Variants in NLGN4X observed in about 807,000 individuals in gnomAD.
NLGN4X encodes the protein neuroligin 4 X-linked, also known as neuroligin-4, X-linked.
Under a neutral mutation model 40.3 loss-of-function variants are expected in NLGN4X, and 3 were observed. That is an observed-to-expected ratio of 0.07 (90% CI 0.03 to 0.19). The LOEUF (loss-of-function observed/expected upper bound fraction) is 0.19, where lower values mean the gene tolerates loss of function less well. NLGN4X is among the 10% of genes least tolerant of loss of function. The probability of loss-of-function intolerance (pLI) is 1.00; values close to 1 mark genes in which losing one functional copy is unlikely to be tolerated. For synonymous variants in NLGN4X, 270 were observed against 306.8 expected (o/e 0.88, Z 1.25); for missense variants, 382 against 708.3 (o/e 0.54, Z 5.23).
intron 2 of NLGN4X, among the ~76,000 whole-genome samples, chrX:6,047,163 A>G (rs937559494): frequency 4.5e-5 from 5 of 111,312 alleles, no homozygotes; most frequent in Non-Finnish European, 9.4e-5. Context: ...AAAGTAAGTG[A>G]CATCGTGACA....
chrX:6,030,394 A>ATGTGTGTGTGTGTGTG lies in NLGN4X; in HGVS notation c.473-978_473-963dup, dbSNP rs35006258. On this transcript the variant is annotated intron_variant, in intron 2 of 5. Transcript: ENST00000381095. ...CGTATAAATATTTCTGGATACAGAT[A>ATGTGTGTGTGTGTGTG]TGTGTGTGTGTGTGTGTGTGTGTGT... Among the ~76,000 whole-genome samples the ATGTGTGTGTGTGTGTG allele has an allele frequency of 3.8e-3, 383 of 100,125 alleles. 4 individuals carry two copies. The highest frequency in any genetic ancestry group is 0.014 in the African/African-American group (363 of 26,788). 86.9% of individuals were successfully genotyped at this position (100,125 alleles called of 115,157 possible). A position where few individuals can be genotyped will look rare whatever the true frequency, so the allele number is the denominator to read the frequency against.
At chrX:6,161,626 T>G (rs986786104) in intron 1 of NLGN4X, among the ~76,000 whole-genome samples, 1 of 107,640 alleles carries the variant, frequency 9.3e-6, no homozygotes, top group Non-Finnish European at 1.9e-5. Context: ...AGAAATAATA[T>G]AATAGATAAA....
chrX:5,898,020 CCCTT>C (rs755817127), intron 5 of NLGN4X, among the ~76,000 whole-genome samples: 66 of 100,020 alleles, frequency 6.6e-4, no homozygotes, highest in Admixed American at 8.7e-4. Context: ...CTTCCTCCCT[CCCTT>C]CCTTCTTTCT....
At chrX:6,116,332 G>A (rs1460615823) in intron 2 of NLGN4X, among the ~76,000 whole-genome samples, 1 of 91,025 alleles carries the variant, frequency 1.1e-5, no homozygotes, top group Non-Finnish European at 2.1e-5. Context: ...GTGAAAGAGC[G>A]GAAACTTTGA....
At chrX:6,011,366 A>AAT (rs10584166) in intron 3 of NLGN4X, among the ~76,000 whole-genome samples, 2,165 of 101,381 alleles carry the variant, frequency 0.021, 30 homozygotes, top group Middle Eastern at 0.025. Flanking sequence ...CAAATTCAGA[A>AAT]ATATATATAT....
rs765825856 is a variant in NLGN4X at position 6,151,445 on chromosome X, G to C, written c.22C>G (p.Leu8Val). The C allele has an allele frequency of 1.7e-6, 2 of 1,210,382 alleles. No homozygotes were observed. The highest frequency in any genetic ancestry group is 2.2e-6 in the Non-Finnish European group (2 of 894,432). MSRPQGL[L>V]WLPLLFTPVC... The stretch of plus-strand genomic sequence containing the variant: ...GGGGTGAACAACAAAGGAAGCCATA[G>C]CAGTCCCTGGGGCCGTGACATGGTT... The change falls in exon 2 of 6, where the codon CTA (leucine) becomes GTA (valine). Residue 8 changes from leucine (L) to valine (V), a missense_variant. By Grantham distance (32) the Leu-to-Val change is conservative. Coordinates refer to ENST00000381095, the MANE Select transcript of NLGN4X (RefSeq NM_181332.3).
At chrX:6,050,951 T>A (rs192317138) in intron 2 of NLGN4X, among the ~76,000 whole-genome samples, 11 of 111,830 alleles carry the variant, frequency 9.8e-5, no homozygotes, top group Middle Eastern at 4.6e-3. Context: ...AAGGAAGTTG[T>A]AAGGAAATAT....
intron 3 of NLGN4X, among the ~76,000 whole-genome samples, chrX:6,016,413 C>T (rs993890705): frequency 1.8e-4 from 20 of 111,705 alleles, no homozygotes; most frequent in African/African-American, 5.9e-4. Flanking sequence ...AACCCCCAAA[C>T]ATGATATCAC....
At chrX:6,059,359 C>T (rs1266690773) in intron 2 of NLGN4X, among the ~76,000 whole-genome samples, 3 of 112,020 alleles carry the variant, frequency 2.7e-5, no homozygotes, top group Admixed American at 1.9e-4. Context: ...AAACACACCA[C>T]CCCTGACAGC....
At chrX:6,017,744 C>T (rs761125664) in intron 3 of NLGN4X, among the ~76,000 whole-genome samples, 5 of 111,895 alleles carry the variant, frequency 4.5e-5, no homozygotes, top group East Asian at 2.8e-4. Flanking sequence ...TGCCAGGCAG[C>T]GGTCTGTAGC....
intron 2 of NLGN4X, among the ~76,000 whole-genome samples, chrX:6,133,258 A>G (rs768809013): frequency 2.4e-4 from 27 of 110,614 alleles, no homozygotes; most frequent in African/African-American, 6.6e-5. Context: ...AGTAGTGTAT[A>G]ATTGTGTATA....
chrX:6,174,713 T>C (rs1174073250), intron 1 of NLGN4X, among the ~76,000 whole-genome samples: 1 of 111,900 alleles, frequency 8.9e-6, no homozygotes, highest in Non-Finnish European at 1.9e-5. Context: ...AAATACTGCA[T>C]GTTCTCACTT....
At chrX:6,226,397 A>C (rs1926326246) in intron 1 of NLGN4X, among the ~76,000 whole-genome samples, 1 of 109,939 alleles carries the variant, frequency 9.1e-6, no homozygotes, top group Non-Finnish European at 1.9e-5. Flanking sequence ...CTCGCTCTCC[A>C]TGCAGAACAT....
At chrX:6,117,549 A>C (rs59374992) in intron 2 of NLGN4X, among the ~76,000 whole-genome samples, 12,171 of 110,836 alleles carry the variant, frequency 0.11, 635 homozygotes, top group African/African-American at 0.2. Context: ...ACTAGCCCAA[A>C]CTGCAGCATC....
chrX:6,108,669 G>A (rs1033603179), intron 2 of NLGN4X, among the ~76,000 whole-genome samples: 4 of 109,249 alleles, frequency 3.7e-5, no homozygotes, highest in African/African-American at 1.3e-4. Flanking sequence ...GGGTGACAAA[G>A]CGAGAATCTG....
intron 2 of NLGN4X, among the ~76,000 whole-genome samples, chrX:6,085,519 A>T (rs2038475290): frequency 1.8e-5 from 2 of 112,041 alleles, no homozygotes; most frequent in African/African-American, 6.5e-5. Flanking sequence ...CACTGGCTTC[A>T]TGGATATAAC....
At chrX:5,941,180 G>GGTGTGTGT (rs3220455) in intron 3 of NLGN4X, among the ~76,000 whole-genome samples, 91 of 58,614 alleles carry the variant, frequency 1.6e-3, no homozygotes, top group East Asian at 2.7e-3. Flanking sequence ...TATGCTAGGG[G>GGTGTGTGT]GTGTGTGTGT....
intron 1 of NLGN4X, among the ~76,000 whole-genome samples, chrX:6,154,714 A>G (rs1406791113): frequency 8.9e-6 from 1 of 112,338 alleles, no homozygotes; most frequent in Non-Finnish European, 1.9e-5. Flanking sequence ...CATTAAATAT[A>G]TACATATACT....
intron 2 of NLGN4X, among the ~76,000 whole-genome samples, chrX:6,081,094 A>G (rs5916289): frequency 0.47 from 51,821 of 109,547 alleles, 9,035 homozygotes; most frequent in Admixed American, 0.52. Context: ...TTCAAGACCA[A>G]CCTGACCAAC....
Sources: allele counts gnomAD v4.1 joint callset (sites outside exome capture counted in the v4.1 genomes callset), GRCh38; gene constraint gnomAD v4.1.1; transcripts MANE v1.5; gene names NCBI Gene and HGNC (gene_info 2026-07-23, HGNC 2026-07-21).